The following DYNC1I1 variants were observed in gnomAD, a reference collection of about 807,000 sequenced individuals.
DYNC1I1 encodes the protein dynein cytoplasmic 1 intermediate chain 1.
DYNC1I1 carries 43 observed loss-of-function variants against 86.6 expected under a neutral mutation model. The observed-to-expected ratio is 0.50, with a 90% CI of 0.39 to 0.64. The LOEUF is 0.64. DYNC1I1 is among the 30% of genes least tolerant of loss of function. The pLI, the probability that DYNC1I1 is intolerant of heterozygous loss-of-function variation, is 0.00. For missense variants in DYNC1I1, 604 were observed against 788.8 expected (o/e 0.77, Z 2.81); for synonymous variants, 262 against 283.7 (o/e 0.92, Z 0.77).
At chr7:95,821,817 C>G (rs75650985) in intron 4 of DYNC1I1, among the ~76,000 whole-genome samples, 10,203 of 152,206 alleles carry the variant, frequency 0.067, 462 homozygotes, top group Non-Finnish European at 0.096. Context: ...TCCCAAAGAA[C>G]TTTACTAATT....
intron 7 of DYNC1I1, among the ~76,000 whole-genome samples, chr7:95,980,642 C>T (rs770510337): frequency 1.3e-5 from 2 of 149,590 alleles, no homozygotes; most frequent in African/African-American, 4.9e-5. Context: ...CATTTTTGCC[C>T]ACGTGACATC....
intron 6 of DYNC1I1, among the ~76,000 whole-genome samples, chr7:95,967,974 C>T (rs1404513785): frequency 6.6e-6 from 1 of 152,098 alleles, no homozygotes; most frequent in Non-Finnish European, 1.5e-5. Flanking sequence ...GGGGCCAGAC[C>T]TTAGAGGACT....
At chr7:95,929,054 C>T (rs992771591) in intron 6 of DYNC1I1, among the ~76,000 whole-genome samples, 13 of 152,134 alleles carry the variant, frequency 8.5e-5, no homozygotes, top group African/African-American at 2.9e-4. Flanking sequence ...GTAAAGTGTC[C>T]TTTGGAAAAC....
At chr7:96,103,523 T>C (rs542263072) in intron 16 of DYNC1I1, among the ~76,000 whole-genome samples, 1 of 152,312 alleles carries the variant, frequency 6.6e-6, no homozygotes, top group East Asian at 1.9e-4. Context: ...TGTTAGAACA[T>C]TTAACTCCTC....
chr7:95,852,157 C>T (rs1404269334), intron 5 of DYNC1I1, among the ~76,000 whole-genome samples: 1 of 152,072 alleles, frequency 6.6e-6, no homozygotes, highest in East Asian at 1.9e-4. Context: ...TGATTGGAGA[C>T]TTCTTTATTA....
intron 16 of DYNC1I1, among the ~76,000 whole-genome samples, chr7:96,097,085 T>C (rs1321864495): frequency 6.6e-6 from 1 of 152,258 alleles, no homozygotes; most frequent in South Asian, 2.1e-4. Context: ...TTAATACCAT[T>C]GACTAGGAAT....
At chr7:95,905,303 G>C (rs1438096867) in intron 6 of DYNC1I1, among the ~76,000 whole-genome samples, 1 of 152,164 alleles carries the variant, frequency 6.6e-6, no homozygotes, top group East Asian at 1.9e-4. Flanking sequence ...TGCGTGTGCA[G>C]AAACACTAAG....
rs979513167 is a variant in DYNC1I1 at position 96,040,541 on chromosome 7, A to G, written c.1509+1120A>G. On this transcript the variant is annotated intron_variant, in intron 14 of 16. Coordinates refer to ENST00000447467, the MANE Select transcript of DYNC1I1 (RefSeq NM_001135556.2). ...GTGAGTGTAGCACTCACTGCACTGG[A>G]GAACAGCAGGGGAAGGACATGCTGG... Among the ~76,000 whole-genome samples, 3 of 152,196 alleles carry G rather than the reference A, an allele frequency of 2.0e-5. No homozygotes were observed. In the East Asian group the frequency reaches 5.8e-4, roughly 30 times the overall value.
At chr7:95,875,265 G>T (rs1254687017) in intron 6 of DYNC1I1, among the ~76,000 whole-genome samples, 2 of 151,878 alleles carry the variant, frequency 1.3e-5, no homozygotes, top group Non-Finnish European at 2.9e-5. Flanking sequence ...CCACTTTGGT[G>T]TAAGAAAAAG....
chr7:95,995,846 A>G (rs1458245540), intron 9 of DYNC1I1, 102 bp from the exon 10 acceptor site: 1 of 1,444,368 alleles, frequency 6.9e-7, no homozygotes, highest in Non-Finnish European at 9.2e-7. Flanking sequence ...AACAGAAAGC[A>G]CCATTTACAC....
chr7:95,778,651 T>TTTTATTTA (rs149402071), intron 1 of DYNC1I1, among the ~76,000 whole-genome samples: 11 of 151,818 alleles, frequency 7.2e-5, no homozygotes, highest in South Asian at 6.3e-4. Flanking sequence ...TTCTTTTTAG[T>TTTTATTTA]TTTATTTATT....
At chr7:96,089,704 C>T (rs961656355) in intron 16 of DYNC1I1, among the ~76,000 whole-genome samples, 8 of 151,980 alleles carry the variant, frequency 5.3e-5, no homozygotes, top group Admixed American at 5.3e-4. Context: ...TTTTTTTGGA[C>T]ACTATAGATA....
chr7:95,841,861 A>G (rs1677835), intron 5 of DYNC1I1, among the ~76,000 whole-genome samples: 94,785 of 152,052 alleles, frequency 0.62, 30,284 homozygotes, highest in African/African-American at 0.76. Context: ...GAGCTTTGTC[A>G]CCTGCTCACT....
At chr7:95,923,346 G>T (rs1189345205) in intron 6 of DYNC1I1, among the ~76,000 whole-genome samples, 1 of 152,126 alleles carries the variant, frequency 6.6e-6, no homozygotes, top group Non-Finnish European at 1.5e-5. Context: ...ATCTGAAAGA[G>T]TCACTGATAG....
At chr7:95,942,555 C>T (rs1042633149) in intron 6 of DYNC1I1, among the ~76,000 whole-genome samples, 16 of 152,180 alleles carry the variant, frequency 1.1e-4, no homozygotes, top group African/African-American at 3.9e-4. Context: ...CAAAGCTTGG[C>T]AGAGACACAA....
chr7:96,043,530 C>G lies in DYNC1I1; in HGVS notation c.1509+4109C>G, dbSNP rs559144896. On this transcript the variant is annotated intron_variant, in intron 14 of 16. Coordinates refer to ENST00000447467, the MANE Select transcript of DYNC1I1 (RefSeq NM_001135556.2). The stretch of plus-strand genomic sequence containing the variant: ...CTCAAGGGCAAATTGGAAGTGGAAA[C>G]AATGTATTAAAAAAAAAAAAACAGA... Among the ~76,000 whole-genome samples, 959 of 136,232 alleles carry G rather than the reference C, an allele frequency of 7.0e-3. 7 individuals carry two copies. Among genetic ancestry groups the G allele is most frequent in the African/African-American group, 0.026 (908 of 34,664 alleles). 89.4% of individuals were successfully genotyped at this position (136,232 alleles called of 152,430 possible).
At chr7:95,871,762 G>A (rs1468443456) in intron 6 of DYNC1I1, among the ~76,000 whole-genome samples, 1 of 152,138 alleles carries the variant, frequency 6.6e-6, no homozygotes, top group Non-Finnish European at 1.5e-5. Flanking sequence ...ACTGCAAGGA[G>A]AGCTTGGGAG....
intron 14 of DYNC1I1, among the ~76,000 whole-genome samples, chr7:96,058,994 T>C (rs971980921): frequency 6.6e-6 from 1 of 151,988 alleles, no homozygotes; most frequent in Non-Finnish European, 1.5e-5. Context: ...TTGCCACAAA[T>C]GCCAAACTGA....
chr7:95,934,648 A>T (rs1562948490), intron 6 of DYNC1I1, among the ~76,000 whole-genome samples: 1 of 152,064 alleles, frequency 6.6e-6, no homozygotes, highest in Non-Finnish European at 1.5e-5. Context: ...ACTGGAAGAG[A>T]CTTTAAGTTC....
Sources: gnomAD v4.1 joint callset for allele counts (sites outside exome capture counted in the v4.1 genomes callset) on GRCh38, gnomAD v4.1.1 for gene constraint, MANE v1.5 for transcripts, NCBI Gene and HGNC (gene_info 2026-07-23, HGNC 2026-07-21) for gene names.